Variants in SCARA3 observed in about 807,000 individuals in gnomAD.
SCARA3 encodes the protein cellular stress response gene protein.
SCARA3 carries 39 observed loss-of-function variants against 47.0 expected under a neutral mutation model. The ratio of observed to expected loss-of-function variants is 0.83; its 90% CI spans 0.64 to 1.08. The LOEUF (loss-of-function observed/expected upper bound fraction) is 1.08. SCARA3 is among the 50% of genes least tolerant of loss of function. SCARA3 has a pLI of 0.00. For synonymous variants in SCARA3, 356 were observed against 334.1 expected, an observed-to-expected ratio of 1.07 and a Z score of -0.71; for missense variants, 724 against 792.3, an observed-to-expected ratio of 0.91 and a Z score of 1.04.
At position 27,669,585 on chromosome 8, in the gene SCARA3, G is replaced by A. The variant is rs569872028; in HGVS notation, c.1370-1315G>A. 3.3e-5 allele frequency among the ~76,000 whole-genome samples: 5 copies of A among 152,368 alleles called. No homozygotes were observed. The South Asian group carries it at 1.0e-3, about 32-fold the overall frequency. ...TGCTGCTGGCCACCTTTCATCCCTG[G>A]CTAACTCAACAATGGAATCTCAGCC... On this transcript the variant is annotated intron_variant, in intron 5 of 5. Transcript: ENST00000301904.
At chr8:27,720,105 G>A in the SCARA3 span, among the ~76,000 whole-genome samples, 1 of 152,110 alleles carries the variant, frequency 6.6e-6, no homozygotes, top group Non-Finnish European at 1.5e-5. Flanking sequence ...TAAAATAACT[G>A]CAGTTGGAGA....
chr8:27,728,832 G>A, the SCARA3 span, among the ~76,000 whole-genome samples: 21 of 152,272 alleles, frequency 1.4e-4, 3 homozygotes, highest in South Asian at 4.4e-3. Flanking sequence ...GAGGCCAGCT[G>A]GGGCAACATG....
At chr8:27,686,365 G>A in the SCARA3 span, among the ~76,000 whole-genome samples, 157 of 152,080 alleles carry the variant, frequency 1.0e-3, no homozygotes, top group African/African-American at 3.5e-3. Context: ...GACCGTTTGA[G>A]CCTGGGAGGT....
At chr8:27,636,578 C>T (rs1304226789) in intron 1 of SCARA3, among the ~76,000 whole-genome samples, 1 of 152,198 alleles carries the variant, frequency 6.6e-6, no homozygotes, top group East Asian at 1.9e-4. Context: ...TCCAGGCTCT[C>T]CTTGTGCTGT....
chr8:27,685,276 T>C, the SCARA3 span, among the ~76,000 whole-genome samples: 1 of 152,042 alleles, frequency 6.6e-6, no homozygotes, highest in Non-Finnish European at 1.5e-5. Context: ...CCTGAATAGG[T>C]CTGAAACCAT....
At chr8:27,645,564 C>A (rs1277909868) in intron 1 of SCARA3, among the ~76,000 whole-genome samples, 1 of 152,246 alleles carries the variant, frequency 6.6e-6, no homozygotes, top group African/African-American at 2.4e-5. Context: ...TATTTAGGAG[C>A]CACTAACCAG....
the SCARA3 span, among the ~76,000 whole-genome samples, chr8:27,684,844 T>C: frequency 6.6e-6 from 1 of 151,220 alleles, no homozygotes; most frequent in Non-Finnish European, 1.5e-5. Flanking sequence ...GGAGTTCTGA[T>C]TGCATCTGTG....
At chr8:27,700,905 C>T in the SCARA3 span, among the ~76,000 whole-genome samples, 5 of 152,272 alleles carry the variant, frequency 3.3e-5, no homozygotes, top group Non-Finnish European at 5.9e-5. Context: ...CATACTTAAC[C>T]TATGATCCAG....
chr8:27,670,791 TG>T, intron 5 of SCARA3, 108 bp from the exon 6 acceptor site: 1 of 835,406 alleles, frequency 1.2e-6, no homozygotes, highest in Non-Finnish European at 1.9e-6. Flanking sequence ...GAGTGTCCGC[TG>T]GACTTGTTCA....
At chr8:27,723,179 C>T in the SCARA3 span, among the ~76,000 whole-genome samples, 2 of 152,148 alleles carry the variant, frequency 1.3e-5, no homozygotes, top group African/African-American at 2.4e-5. Context: ...TTCCTTCTTG[C>T]GGGGCCTGGA....
chr8:27,687,325 G>A, the SCARA3 span, among the ~76,000 whole-genome samples: 1 of 152,296 alleles, frequency 6.6e-6, no homozygotes, highest in South Asian at 2.1e-4. Context: ...GAGACACAGA[G>A]CCTGATGCCA....
At chr8:27,661,371 G>A (rs1010799218) in intron 5 of SCARA3, among the ~76,000 whole-genome samples, 1 of 152,122 alleles carries the variant, frequency 6.6e-6, no homozygotes, top group African/African-American at 2.4e-5. Flanking sequence ...CCCTGAAGAG[G>A]AGTTAAAGTC....
chr8:27,658,810 TAC>T lies in SCARA3; in HGVS notation c.641_642del (p.Tyr214Ter). Reference protein sequence around the residue: ...LSLKDLTQECYDVKAAVHQIN... With the variant: ...LSLKDLTQECXDVKAAVHQIN... ...TCTGAAGGACCTCACCCAGGAGTGC[TAC>T]GATGTCAAGGCTGCAGTGCACCAGA... On this transcript the variant is annotated frameshift_variant, in exon 5 of 6. Transcript: ENST00000301904. LOFTEE classifies it high-confidence loss of function. The T allele has an allele frequency of 6.2e-7, 1 of 1,614,068 alleles. No homozygotes were observed. Among genetic ancestry groups the T allele is most frequent in the Non-Finnish European group, 8.5e-7 (1 of 1,179,998 alleles).
At chr8:27,690,631 A>G in the SCARA3 span, among the ~76,000 whole-genome samples, 1 of 152,224 alleles carries the variant, frequency 6.6e-6, no homozygotes, top group Non-Finnish European at 1.5e-5. Context: ...TAAAAAGTTA[A>G]AAAGTTTTAA....
chr8:27,696,959 AT>A, the SCARA3 span, among the ~76,000 whole-genome samples: 13 of 152,196 alleles, frequency 8.5e-5, no homozygotes, highest in African/African-American at 3.1e-4. Flanking sequence ...AAATGATATC[AT>A]GGTAATGGTT....
chr8:27,644,280 T>A (rs1482654593), intron 1 of SCARA3, among the ~76,000 whole-genome samples: 1 of 152,158 alleles, frequency 6.6e-6, no homozygotes, highest in Non-Finnish European at 1.5e-5. Context: ...TGCCTGCGAT[T>A]TGGGTAGTAA....
chr8:27,666,210 T>C lies in SCARA3; in HGVS notation c.1370-4690T>C, dbSNP rs144977987. Reference sequence around the variant, plus strand: ...GATGCTGCTGAAAACTCCACTCAGCTTCTCAGCCTAATAGCTGCAGCCCTT... The same window carrying C: ...GATGCTGCTGAAAACTCCACTCAGCCTCTCAGCCTAATAGCTGCAGCCCTT... On this transcript the variant is annotated intron_variant, in intron 5 of 5. Transcript: ENST00000301904. Among the ~76,000 whole-genome samples the C allele has an allele frequency of 9.9e-4, 151 of 152,368 alleles. 1 individual carries two copies. Among genetic ancestry groups the C allele is most frequent in the African/African-American group, 3.3e-3 (136 of 41,588 alleles).
chr8:27,689,393 C>T, the SCARA3 span, among the ~76,000 whole-genome samples: 4 of 152,118 alleles, frequency 2.6e-5, no homozygotes, highest in African/African-American at 9.7e-5. Context: ...GGAAGGGAAA[C>T]GGGAGCGGCT....
chr8:27,715,824 T>TGATA, the SCARA3 span, among the ~76,000 whole-genome samples: 30,368 of 118,714 alleles, frequency 0.26, 3,157 homozygotes, highest in Non-Finnish European at 0.3. The surrounding 1 kb of genome is among the most constrained non-coding windows in gnomAD (Gnocchi z 4.2). Flanking sequence ...GATAGATAGA[T>TGATA]GATAGATAGA....
Sources: gnomAD v4.1 joint callset for allele counts (sites outside exome capture counted in the v4.1 genomes callset) on GRCh38, gnomAD v4.1.1 for gene constraint, Gnocchi (gnomAD v3.1) non-coding constraint, MANE v1.5 for transcripts, NCBI Gene and HGNC (gene_info 2026-07-23, HGNC 2026-07-21) for gene names.